BRD4: variants seen among roughly 807,000 people sequenced by gnomAD.
BRD4 encodes bromodomain-containing protein 4.
A neutral mutation model predicts 142.1 loss-of-function variants in BRD4; 16 were observed. The ratio of observed to expected loss-of-function variants is 0.11; its 90% CI spans 0.08 to 0.17. The LOEUF (loss-of-function observed/expected upper bound fraction) is 0.17. BRD4 is among the 10% of genes least tolerant of loss of function. BRD4 has a pLI of 1.00. For synonymous variants in BRD4, 833 were observed against 707.5 expected, an observed-to-expected ratio of 1.18 and a Z score of -2.82; for missense variants, 1,424 against 1,810.9, an observed-to-expected ratio of 0.79 and a Z score of 3.88.
chr19:15,293,158 A>G (rs1172299002), intron 1 of BRD4, among the ~76,000 whole-genome samples: 1 of 152,216 alleles, frequency 6.6e-6, no homozygotes, highest in African/African-American at 2.4e-5. Context: ...TAACTCAGAA[A>G]AAGATTAGCT....
chr19:15,281,214 C>T (rs1025442608), intron 1 of BRD4, among the ~76,000 whole-genome samples: 1 of 152,244 alleles, frequency 6.6e-6, no homozygotes, highest in South Asian at 2.1e-4. Context: ...AGTGTGTATA[C>T]ACCCTGCCCC....
chr19:15,328,480 G>A (rs1255890173), intron 1 of BRD4, among the ~76,000 whole-genome samples: 1 of 152,154 alleles, frequency 6.6e-6, no homozygotes, highest in Non-Finnish European at 1.5e-5. Flanking sequence ...CACACTGCAT[G>A]CCAGGCTGCT....
chr19:15,330,540 T>C (rs1000106340), intron 1 of BRD4, among the ~76,000 whole-genome samples: 2 of 152,162 alleles, frequency 1.3e-5, no homozygotes, highest in Admixed American at 1.3e-4. Flanking sequence ...CCGAGGAGGA[T>C]GGAACACCTG....
intron 1 of BRD4, among the ~76,000 whole-genome samples, chr19:15,329,141 A>C (rs2048135379): frequency 6.6e-6 from 1 of 151,860 alleles, no homozygotes; most frequent in Admixed American, 6.6e-5. Flanking sequence ...CTTATGTATT[A>C]AATGTCAGCA....
chr19:15,272,484 G>A (rs991187106), intron 2 of BRD4, among the ~76,000 whole-genome samples: 2 of 152,118 alleles, frequency 1.3e-5, no homozygotes, highest in South Asian at 2.1e-4. Flanking sequence ...GAAATGAAGG[G>A]GCTAGGATGG....
chr19:15,310,213 CTTTTTT>C (rs34519343), intron 1 of BRD4, among the ~76,000 whole-genome samples: 15 of 122,410 alleles, frequency 1.2e-4, no homozygotes, highest in African/African-American at 2.8e-4. Flanking sequence ...TTAAACAGTC[CTTTTTT>C]TTTTTTTTTT....
At chr19:15,244,898 T>C (rs569261326) in intron 11 of BRD4, 136 bp from the exon 12 acceptor site, 612 of 1,473,008 alleles carry the variant, frequency 4.2e-4, no homozygotes, top group Non-Finnish European at 5.3e-4. Context: ...CCGAGTTCAA[T>C]GAGGGATGAG....
chr19:15,244,839 A>T, intron 11 of BRD4, 77 bp from the exon 12 acceptor site: 2 of 1,607,986 alleles, frequency 1.2e-6, no homozygotes, highest in East Asian at 4.5e-5. Context: ...GAAAGACGAG[A>T]AAACAGGGCA....
rs2048169369 is a variant in BRD4, at chr19:15,332,335, T to TGCCGCC, written c.-86_-81dup. The TGCCGCC allele has an allele frequency of 7.0e-6, 1 of 142,292 alleles. No individual in the cohort carries two copies. The highest frequency in any genetic ancestry group is 1.6e-5 in the Non-Finnish European group (1 of 64,226). 8.8% of individuals were successfully genotyped at this position (142,292 alleles called of 1,614,324 possible). A position where few individuals can be genotyped will look rare whatever the true frequency, so the allele number is the denominator to read the frequency against. On this transcript the variant is annotated 5_prime_UTR_variant, in exon 1 of 20. Coordinates refer to ENST00000679869, the MANE Select transcript of BRD4 (RefSeq NM_001379291.1). Reference sequence around the variant, plus strand: ...CCGCCCCCGCCGGCCGTCCGCCCGCTGCCGCCGCCCCCTCCCCGAGCTGCC... The same window carrying TGCCGCC: ...CCGCCCCCGCCGGCCGTCCGCCCGCTGCCGCCGCCGCCGCCCCCTCCCCGAGCTGCC...
At chr19:15,302,166 C>CAA (rs779863415) in intron 1 of BRD4, among the ~76,000 whole-genome samples, 159 of 133,220 alleles carry the variant, frequency 1.2e-3, no homozygotes, top group African/African-American at 4.0e-3. Context: ...GACTTCATCT[C>CAA]AAAAAAAAAA....
rs1294894435 is a variant in BRD4, at chr19:15,235,578, A to G, written c.*2799T>C. 6.6e-6 allele frequency: 1 copy of G among 152,160 alleles called. No homozygotes were observed. Among genetic ancestry groups the G allele is most frequent in the Non-Finnish European group, 1.5e-5 (1 of 68,042 alleles). The allele number at this position is 152,160 out of a possible 1,614,324, so 9.4% of individuals were successfully genotyped here. ...AATGAGAACTGCACAAAAAAAAAAA[A>G]AAACCTTTCGTATGTAAGTGAAAAG... On this transcript the variant is annotated 3_prime_UTR_variant, in exon 20 of 20. Transcript: ENST00000679869.
chr19:15,298,058 G>A (rs1249883024), intron 1 of BRD4, among the ~76,000 whole-genome samples: 1 of 152,216 alleles, frequency 6.6e-6, no homozygotes, highest in Admixed American at 6.5e-5. Context: ...AAGGGTTACA[G>A]CAGCACCCAA....
chr19:15,244,920 G>T (rs2047272433), intron 11 of BRD4, 158 bp from the exon 12 acceptor site: 4 of 1,281,480 alleles, frequency 3.1e-6, no homozygotes, highest in African/African-American at 1.5e-5. Flanking sequence ...TGGTCATCAC[G>T]GGAGAGGGAG....
chr19:15,249,190 C>G, intron 11 of BRD4: 1 of 1,606,084 alleles, frequency 6.2e-7, no homozygotes. Flanking sequence ...AGTCCTGTCC[C>G]TTTCACGGAA....
At chr19:15,318,406 G>A (rs1380881499) in intron 1 of BRD4, among the ~76,000 whole-genome samples, 1 of 152,036 alleles carries the variant, frequency 6.6e-6, no homozygotes, top group African/African-American at 2.4e-5. Flanking sequence ...TCAAGTTTAT[G>A]GTATTATATT....
chr19:15,310,173 G>A (rs903591198), intron 1 of BRD4, among the ~76,000 whole-genome samples: 3 of 150,940 alleles, frequency 2.0e-5, no homozygotes, highest in Non-Finnish European at 2.9e-5. Context: ...TCCCCTGGGA[G>A]CTGATGAAAG....
In BRD4 at chr19:15,332,488, GAACA is replaced by G. The variant is rs2048171572; in HGVS notation, c.-237_-234del. 6.6e-6 allele frequency: 1 copy of G among 151,492 alleles called. No individual in the cohort carries two copies. The highest frequency in any genetic ancestry group is 2.8e-5 in the African/African-American group (1 of 35,108). The allele number at this position is 151,492 out of a possible 1,614,324, so 9.4% of individuals were successfully genotyped here. A position where few individuals can be genotyped will look rare whatever the true frequency, so the allele number is the denominator to read the frequency against. On this transcript the variant is annotated 5_prime_UTR_variant, in exon 1 of 20. Coordinates refer to ENST00000679869, the MANE Select transcript of BRD4 (RefSeq NM_001379291.1). ...TCGGCTCCTCGGCTGCGGGAGACCA[GAACA>G]AACAGCCCAGCCGCCGCCGCCGCCG...
intron 7 of BRD4, among the ~76,000 whole-genome samples, chr19:15,261,584 G>A (rs946467940): frequency 1.3e-5 from 2 of 152,156 alleles, no homozygotes; most frequent in African/African-American, 4.8e-5. Context: ...TGTTTGTGAA[G>A]AAGGCACACA....
At chr19:15,276,425 C>A (rs935613599) in intron 1 of BRD4, among the ~76,000 whole-genome samples, 1 of 152,064 alleles carries the variant, frequency 6.6e-6, no homozygotes, top group Non-Finnish European at 1.5e-5. Context: ...GTCAGCCAAC[C>A]CTGTCACCTT....
Sources: gnomAD v4.1 joint callset for allele counts (sites outside exome capture counted in the v4.1 genomes callset) on GRCh38, gnomAD v4.1.1 for gene constraint, MANE v1.5 for transcripts, NCBI Gene and HGNC (gene_info 2026-07-23, HGNC 2026-07-21) for gene names.